The following ANKS1B variants were observed in gnomAD, a reference collection of about 807,000 sequenced individuals.
ANKS1B encodes the protein ankyrin repeat and sterile alpha motif domain-containing protein 1B.
ANKS1B carries 36 observed loss-of-function variants against 148.3 expected under a neutral mutation model. That is an observed-to-expected ratio of 0.24 (90% CI 0.19 to 0.32). The LOEUF is 0.32. Ranked by LOEUF, ANKS1B falls within the 10% of genes least tolerant of loss-of-function variation. ANKS1B has a pLI of 1.00. For synonymous variants in ANKS1B, 542 were observed against 560.8 expected (o/e 0.97, Z 0.47); for missense variants, 1,157 against 1,542.6 (o/e 0.75, Z 4.19).
At chr12:99,694,660 G>A (rs896770769) in intron 8 of ANKS1B, among the ~76,000 whole-genome samples, 1 of 152,092 alleles carries the variant, frequency 6.6e-6, no homozygotes, top group African/African-American at 2.4e-5. Context: ...CATGTCTAGT[G>A]AAACATAAAG....
intron 17 of ANKS1B, among the ~76,000 whole-genome samples, chr12:99,033,718 T>C (rs951965228): frequency 1.3e-5 from 2 of 151,892 alleles, no homozygotes; most frequent in Non-Finnish European, 2.9e-5. Flanking sequence ...TGCACTCAGG[T>C]GCGTGTGTGA....
intron 8 of ANKS1B, among the ~76,000 whole-genome samples, chr12:99,704,880 A>G (rs1600157901): frequency 6.6e-6 from 1 of 152,088 alleles, no homozygotes; most frequent in East Asian, 1.9e-4. Flanking sequence ...CCAAAACGTC[A>G]TTAAAATGAT....
intron 12 of ANKS1B, among the ~76,000 whole-genome samples, chr12:99,374,060 G>C (rs73151121): frequency 0.11 from 16,254 of 152,184 alleles, 878 homozygotes; most frequent in Non-Finnish European, 0.12. Flanking sequence ...TTCAGTCTCA[G>C]TAACCCTGAT....
At chr12:99,487,291 A>C (rs2096503012) in intron 10 of ANKS1B, among the ~76,000 whole-genome samples, 1 of 152,166 alleles carries the variant, frequency 6.6e-6, no homozygotes, top group African/African-American at 2.4e-5. Context: ...TGTATTTGTG[A>C]AATATACCTC....
intron 9 of ANKS1B, among the ~76,000 whole-genome samples, chr12:99,628,936 T>C (rs185162519): frequency 2.0e-5 from 3 of 152,340 alleles, no homozygotes; most frequent in Admixed American, 1.3e-4. Flanking sequence ...TTAGTACATA[T>C]TAATGTGGAT....
At chr12:98,858,214 C>CTATA (rs1330947350) in intron 17 of ANKS1B, among the ~76,000 whole-genome samples, 1 of 152,178 alleles carries the variant, frequency 6.6e-6, no homozygotes, top group Non-Finnish European at 1.5e-5. Context: ...TCTGAAAAGA[C>CTATA]AGCTCTAGAT....
intron 9 of ANKS1B, among the ~76,000 whole-genome samples, chr12:99,525,304 T>G (rs1293478423): frequency 6.6e-6 from 1 of 152,208 alleles, no homozygotes; most frequent in African/African-American, 2.4e-5. Context: ...TTTCTCGTTT[T>G]TAAATGTAAT....
chr12:99,448,686 A>G (rs960217501), intron 10 of ANKS1B, among the ~76,000 whole-genome samples: 1 of 152,116 alleles, frequency 6.6e-6, no homozygotes, highest in Non-Finnish European at 1.5e-5. Flanking sequence ...ATAAGTATAT[A>G]TAATTTTTGT....
At chr12:98,976,142 G>C (rs180939589) in intron 17 of ANKS1B, among the ~76,000 whole-genome samples, 1 of 152,188 alleles carries the variant, frequency 6.6e-6, no homozygotes, top group Non-Finnish European at 1.5e-5. Context: ...GATTCATCTC[G>C]TGTTAATAAA....
At position 99,497,331 on chromosome 12, in the gene ANKS1B, T is replaced by C. The variant is rs1244182434; in HGVS notation, c.1438+7145A>G. 1.5e-4 allele frequency among the ~76,000 whole-genome samples: 23 copies of C among 152,180 alleles called. 1 individual carries two copies. Among genetic ancestry groups the C allele is most frequent in the Admixed American group, 1.5e-3 (23 of 15,280 alleles). The stretch of plus-strand genomic sequence containing the variant: ...TCCATTTTTGCTTCTGACATATTTT[T>C]AATTTGTAGTTGGTTGAATCCATGG... On this transcript the variant is annotated intron_variant, in intron 10 of 26. Transcript: ENST00000683438.
chr12:99,488,548 T>C (rs990095132), intron 10 of ANKS1B, among the ~76,000 whole-genome samples: 1 of 152,210 alleles, frequency 6.6e-6, no homozygotes, highest in African/African-American at 2.4e-5. Flanking sequence ...TTAGCAAACC[T>C]CTATCTTGCT....
chr12:99,888,250 A>G (rs112966560), intron 1 of ANKS1B, among the ~76,000 whole-genome samples: 3,540 of 152,276 alleles, frequency 0.023, 75 homozygotes, highest in Non-Finnish European at 0.033. Flanking sequence ...TCCAGTCCAA[A>G]TGTCTCTTTA....
At chr12:99,250,463 C>T (rs2153973225) in intron 12 of ANKS1B, among the ~76,000 whole-genome samples, 1 of 152,336 alleles carries the variant, frequency 6.6e-6, no homozygotes, top group South Asian at 2.1e-4. Context: ...AATAAAAAGA[C>T]ATGGTTAATA....
intron 17 of ANKS1B, among the ~76,000 whole-genome samples, chr12:98,879,334 A>C (rs555566048): frequency 1.3e-4 from 20 of 152,348 alleles, no homozygotes; most frequent in African/African-American, 4.8e-4. Context: ...TCACCATTTT[A>C]CAGATGAGCA....
intron 8 of ANKS1B, among the ~76,000 whole-genome samples, chr12:99,745,937 C>CA (rs1221070190): frequency 2.0e-5 from 3 of 151,464 alleles, no homozygotes; most frequent in African/African-American, 7.3e-5. Context: ...TAATGGTGTT[C>CA]AAAAAAACAG....
chr12:99,826,797 A>G (rs2083248109), intron 1 of ANKS1B, among the ~76,000 whole-genome samples: 1 of 152,160 alleles, frequency 6.6e-6, no homozygotes, highest in Admixed American at 6.5e-5. Context: ...CAAATAGCCA[A>G]AACAATTCTG....
intron 25 of ANKS1B, among the ~76,000 whole-genome samples, chr12:98,769,165 CTTTTTTTT>C (rs1182264550): frequency 7.0e-4 from 29 of 41,236 alleles, no homozygotes; most frequent in South Asian, 3.6e-3. Context: ...GTCTTCTTTA[CTTTTTTTT>C]TTTTTTTTTT....
At chr12:99,544,623 G>T (rs1303360305) in intron 9 of ANKS1B, among the ~76,000 whole-genome samples, 4 of 152,080 alleles carry the variant, frequency 2.6e-5, no homozygotes, top group Admixed American at 6.6e-5. Context: ...CATGACAAGA[G>T]ACCCTGGAAT....
At chr12:99,506,754 T>C (rs2096716053) in intron 9 of ANKS1B, among the ~76,000 whole-genome samples, 1 of 151,982 alleles carries the variant, frequency 6.6e-6, no homozygotes, top group Non-Finnish European at 1.5e-5. Flanking sequence ...AAAATAATTT[T>C]CTATGAATTA....
Sources: allele counts gnomAD v4.1 joint callset (sites outside exome capture counted in the v4.1 genomes callset), GRCh38; gene constraint gnomAD v4.1.1; transcripts MANE v1.5; gene names NCBI Gene and HGNC (gene_info 2026-07-23, HGNC 2026-07-21).